Variants in WDR64 observed in about 807,000 individuals in gnomAD.
WDR64 encodes WD repeat domain 64.
Under a neutral mutation model 139.3 loss-of-function variants are expected in WDR64, and 112 were observed. That is an observed-to-expected ratio of 0.80 (90% CI 0.69 to 0.94). The LOEUF is 0.94. WDR64 is among the 40% of genes least tolerant of loss of function. The probability of loss-of-function intolerance (pLI) is 0.00; values close to 1 mark genes in which losing one functional copy is unlikely to be tolerated. For missense variants in WDR64, 1,206 were observed against 1,293.1 expected (o/e 0.93, Z 1.03); for synonymous variants, 444 against 437.7 (o/e 1.01, Z -0.18).
At position 241,802,033 on chromosome 1, in the gene WDR64, T is replaced by A. The variant is rs1033950836; in HGVS notation, c.*818T>A. On this transcript the variant is annotated 3_prime_UTR_variant, in exon 28 of 28. Coordinates refer to ENST00000437684, the MANE Select transcript of WDR64 (RefSeq NM_001367482.1). ...AAGATGTATGATGCAAAAACTAACC[T>A]AAAGAAAATCAATATAGCCATATTA... The A allele has an allele frequency of 1.5e-5, 6 of 397,606 alleles. No individual in the cohort carries two copies. The highest frequency in any genetic ancestry group is 4.1e-5 in the African/African-American group (2 of 48,538). The allele number at this position is 397,606 out of a possible 1,614,324, so 24.6% of individuals were successfully genotyped here. A position where few individuals can be genotyped will look rare whatever the true frequency, so the allele number is the denominator to read the frequency against.
At chr1:241,780,190 A>C (rs1210215189) in intron 22 of WDR64, 128 bp downstream of exon 22, 9 of 781,256 alleles carry the variant, frequency 1.2e-5, no homozygotes, top group Non-Finnish European at 1.8e-5. Context: ...TACTATTGAA[A>C]TTTGAGCTAC....
intron 8 of WDR64, among the ~76,000 whole-genome samples, chr1:241,693,646 T>C (rs1667384483): frequency 1.3e-5 from 2 of 152,008 alleles, no homozygotes. Flanking sequence ...GGACAGGGAG[T>C]ATGTGGGAAA....
At position 241,684,515 on chromosome 1, in the gene WDR64, T is replaced by C. The variant is rs76017377; in HGVS notation, c.839+814T>C. Among the ~76,000 whole-genome samples, 1,352 of 152,336 alleles carry C rather than the reference T, an allele frequency of 8.9e-3. 11 individuals are homozygous for C. Among genetic ancestry groups the C allele is most frequent in the Admixed American group, 0.015 (233 of 15,302 alleles). ...ATTAAATGGTCTTCCTTATTTATCA[T>C]AGAAGTACAAGTTAAAATCAGATAC... On this transcript the variant is annotated intron_variant, in intron 7 of 27. Coordinates refer to ENST00000437684, the MANE Select transcript of WDR64 (RefSeq NM_001367482.1).
At chr1:241,748,996 C>T (rs1669877649) in intron 13 of WDR64, among the ~76,000 whole-genome samples, 1 of 151,768 alleles carries the variant, frequency 6.6e-6, no homozygotes, top group South Asian at 2.1e-4. Flanking sequence ...GAAAAACACT[C>T]GACACTTTTC....
At chr1:241,713,416 A>T (rs1378212666) in intron 9 of WDR64, among the ~76,000 whole-genome samples, 2 of 107,242 alleles carry the variant, frequency 1.9e-5, no homozygotes, top group Admixed American at 2.1e-4. Context: ...GGAGGAAGGG[A>T]AGGAAGGGAA....
At chr1:241,691,803 C>A (rs1003779668) in intron 8 of WDR64, among the ~76,000 whole-genome samples, 1 of 152,130 alleles carries the variant, frequency 6.6e-6, no homozygotes, top group Non-Finnish European at 1.5e-5. Context: ...CACCTGTGCT[C>A]AGGAGTTCAA....
intron 27 of WDR64, among the ~76,000 whole-genome samples, chr1:241,797,847 A>C (rs1656065780): frequency 6.6e-6 from 1 of 151,862 alleles, no homozygotes; most frequent in South Asian, 2.1e-4. Context: ...TTTTTTCTGC[A>C]CGACTCTGTG....
chr1:241,766,249 G>A lies in WDR64; in HGVS notation c.1979G>A (p.Cys660Tyr), dbSNP rs1334791137. ...ACCATGGATTTATTACGAGTGAACT[G>A]CATTGATTTACTACAAGTAGAAGGA... Reference protein sequence around the residue: ...NPTMDLLRVNCIDLLQVEGYN... With the variant: ...NPTMDLLRVNYIDLLQVEGYN... Residue 660 changes from cysteine (C) to tyrosine (Y), a missense_variant, in exon 16 of 28, where the codon TGC (cysteine) becomes TAC (tyrosine). Coordinates refer to ENST00000437684, the MANE Select transcript of WDR64 (RefSeq NM_001367482.1). 2.5e-6 allele frequency: 4 copies of A among 1,614,046 alleles called. No homozygotes were observed. The highest frequency in any genetic ancestry group is 1.7e-5 in the Admixed American group (1 of 60,006).
intron 1 of WDR64, among the ~76,000 whole-genome samples, chr1:241,660,240 T>C (rs931259986): frequency 2.0e-5 from 3 of 152,174 alleles, no homozygotes; most frequent in African/African-American, 7.2e-5. Flanking sequence ...CAGTCTTATT[T>C]TTGGGTTCTC....
chr1:241,776,609 C>T (rs1658663417), intron 21 of WDR64, among the ~76,000 whole-genome samples: 2 of 152,066 alleles, frequency 1.3e-5, no homozygotes, highest in African/African-American at 4.8e-5. Context: ...TTTCGCTTAT[C>T]TATCAATCTG....
chr1:241,758,199 G>A (rs992125271), intron 15 of WDR64, among the ~76,000 whole-genome samples: 8 of 151,848 alleles, frequency 5.3e-5, no homozygotes, highest in Admixed American at 5.3e-4. Context: ...CTGCAATCTG[G>A]TAGTTAAATC....
intron 14 of WDR64, among the ~76,000 whole-genome samples, chr1:241,755,541 T>C (rs1471519111): frequency 6.6e-6 from 1 of 152,242 alleles, no homozygotes; most frequent in Non-Finnish European, 1.5e-5. Context: ...TTTCTTTTGC[T>C]GTGCAGAAGC....
At position 241,660,643 on chromosome 1, in the gene WDR64, T is replaced by A; in HGVS notation, c.259T>A (p.Ser87Thr). The A allele has an allele frequency of 6.4e-7, 1 of 1,551,544 alleles. No homozygotes were observed. The highest frequency in any genetic ancestry group is 8.7e-7 in the Non-Finnish European group (1 of 1,146,796). ...YRKLCNNTDA[S>T]ADWCEIFGYF... ...GAAACTGTGCAACAACACGGATGCATCTGCAGACTGGTGTGAGGTAGACTC... is the reference window on the plus strand; with the variant it reads ...GAAACTGTGCAACAACACGGATGCAACTGCAGACTGGTGTGAGGTAGACTC... The change falls in exon 2 of 28, where the codon TCT becomes ACT. Residue 87 changes from serine (S) to threonine (T), a missense_variant. Transcript: ENST00000437684.
chr1:241,779,669 T>C (rs1450275851), intron 21 of WDR64, among the ~76,000 whole-genome samples: 1 of 151,696 alleles, frequency 6.6e-6, no homozygotes, highest in Non-Finnish European at 1.5e-5. Flanking sequence ...CTACTAAAAA[T>C]ACAAAAAAAA....
chr1:241,772,928 G>C lies in WDR64; in HGVS notation c.2427G>C (p.Leu809=). 1 of 1,549,428 alleles carries C rather than the reference G, an allele frequency of 6.5e-7. No individual in the cohort carries two copies. Among genetic ancestry groups the C allele is most frequent in the Non-Finnish European group, 8.7e-7 (1 of 1,145,868 alleles). The change falls in exon 20 of 28, where the codon CTG becomes CTC. Residue 809 remains leucine (L), a synonymous_variant. Coordinates refer to ENST00000437684, the MANE Select transcript of WDR64 (RefSeq NM_001367482.1). The stretch of plus-strand genomic sequence containing the variant: ...ATGGACACCTCCGCTTGTGGACTCT[G>C]GAGGTAATGGAACCCAGCAAGTCTG... The part of the protein sequence containing the change: ...HEDGHLRLWT[L]EGRLLKDMLP...
At chr1:241,726,008 C>T (rs1253053342) in intron 10 of WDR64, among the ~76,000 whole-genome samples, 4 of 151,620 alleles carry the variant, frequency 2.6e-5, no homozygotes, top group East Asian at 1.9e-4. Context: ...GGCCACCGTA[C>T]GAAGCTAATT....
At chr1:241,725,024 C>T (rs1272984131) in intron 10 of WDR64, among the ~76,000 whole-genome samples, 1 of 152,026 alleles carries the variant, frequency 6.6e-6, no homozygotes, top group Non-Finnish European at 1.5e-5. Context: ...AAGTTAAAGG[C>T]AGACAGCAGG....
chr1:241,731,949 T>C (rs1669096453), intron 10 of WDR64, among the ~76,000 whole-genome samples: 1 of 152,230 alleles, frequency 6.6e-6, no homozygotes, highest in Non-Finnish European at 1.5e-5. Flanking sequence ...CTGTCATACA[T>C]ACCCTGATTT....
intron 8 of WDR64, among the ~76,000 whole-genome samples, chr1:241,694,853 A>G (rs1383178488): frequency 2.6e-5 from 4 of 152,228 alleles, no homozygotes; most frequent in Admixed American, 1.3e-4. Flanking sequence ...GTCCAGAAAT[A>G]TATCTGTTAT....
Sources: gnomAD v4.1 joint callset for allele counts (sites outside exome capture counted in the v4.1 genomes callset) on GRCh38, gnomAD v4.1.1 for gene constraint, MANE v1.5 for transcripts, NCBI Gene and HGNC (gene_info 2026-07-23, HGNC 2026-07-21) for gene names.